The following KNG1 variants were observed in gnomAD, a reference collection of about 807,000 sequenced individuals.
The protein encoded by KNG1 is kininogen-1.
In KNG1, 23 loss-of-function variants were observed where a neutral mutation model predicts 47.8. The ratio of observed to expected loss-of-function variants is 0.48; its 90% CI spans 0.35 to 0.68. KNG1 has a LOEUF of 0.68. KNG1 is among the 30% of genes least tolerant of loss of function. The pLI is 0.01. For missense variants in KNG1, 762 were observed against 790.2 expected, an observed-to-expected ratio of 0.96 and a Z score of 0.43; for synonymous variants, 277 against 277.0, an observed-to-expected ratio of 1.00 and a Z score of 0.00.
At position 186,717,660 on chromosome 3, in the gene KNG1, G is replaced by C. The variant is rs370821408; in HGVS notation, c.118G>C (p.Ala40Pro). 5 of 1,613,144 alleles carry C rather than the reference G, an allele frequency of 3.1e-6. No homozygotes were observed. The highest frequency in any genetic ancestry group is 4.2e-6 in the Non-Finnish European group (5 of 1,179,736). The change falls in exon 1 of 10, where the codon GCT (alanine) becomes CCT (proline). Residue 40 changes from alanine to proline, a missense_variant. By Grantham distance (27) the Ala-to-Pro change is conservative (BLOSUM62 -1). Transcript: ENST00000644859. ...DKDLFKAVDAALKKYNSQNQS... is the reference protein window; with the variant it reads ...DKDLFKAVDAPLKKYNSQNQS... ...GGATTTATTTAAAGCTGTGGATGCT[G>C]CTCTGAAGAAATATAACAGTCAAAA...
At chr3:186,719,075 G>A (rs546889016) in intron 1 of KNG1, among the ~76,000 whole-genome samples, 1 of 151,994 alleles carries the variant, frequency 6.6e-6, no homozygotes, top group African/African-American at 2.4e-5. Context: ...TTTTCTGAAA[G>A]TAAAATCGAG....
intron 7 of KNG1, among the ~76,000 whole-genome samples, chr3:186,733,767 G>A (rs751002254): frequency 6.6e-6 from 1 of 152,138 alleles, no homozygotes; most frequent in Non-Finnish European, 1.5e-5. Flanking sequence ...TCAGGAGTTC[G>A]AGACCAGCCT....
chr3:186,727,565 C>T (rs1249510458), intron 5 of KNG1, among the ~76,000 whole-genome samples: 1 of 151,998 alleles, frequency 6.6e-6, no homozygotes, highest in Non-Finnish European at 1.5e-5. Flanking sequence ...TTTTTTATAA[C>T]TTTATTTTAT....
rs759902969 is a variant in KNG1 at position 186,717,676 on chromosome 3, A to G, written c.134A>G (p.Asn45Ser). The G allele has an allele frequency of 1.2e-6, 2 of 1,613,190 alleles. No individual in the cohort carries two copies. The highest frequency in any genetic ancestry group is 1.7e-6 in the Non-Finnish European group (2 of 1,179,822). Residue 45 changes from asparagine (N) to serine (S), a missense_variant, in exon 1 of 10, where the codon AAC (asparagine) becomes AGC (serine). Coordinates refer to ENST00000644859, the MANE Select transcript of KNG1 (RefSeq NM_001102416.3). ...GTGGATGCTGCTCTGAAGAAATATA[A>G]CAGTCAAAACCAAAGTAACAACCAG... ...KAVDAALKKY[N>S]SQNQSNNQFV...
At chr3:186,727,913 G>C (rs1441253913) in intron 5 of KNG1, among the ~76,000 whole-genome samples, 1 of 152,158 alleles carries the variant, frequency 6.6e-6, no homozygotes, top group Non-Finnish European at 1.5e-5. Context: ...ACTACGAATA[G>C]ATAAAATGCT....
In KNG1 at chr3:186,743,615, A is replaced by G; in HGVS notation, c.*1284A>G. On this transcript the variant is annotated 3_prime_UTR_variant, in exon 10 of 10. Coordinates refer to ENST00000644859, the MANE Select transcript of KNG1 (RefSeq NM_001102416.3). ...TAAATAAACAACCACAGATGTCAGG[A>G]AAAAGTCTTACCTTGTCAACTGGTT... The G allele has an allele frequency of 2.2e-6, 2 of 929,906 alleles. No individual in the cohort carries two copies. The highest frequency in any genetic ancestry group is 3.2e-5 in the African/African-American group (2 of 61,658). The allele number at this position is 929,906 out of a possible 1,614,324, so 57.6% of individuals were successfully genotyped here. A position where few individuals can be genotyped will look rare whatever the true frequency, so the allele number is the denominator to read the frequency against.
intron 4 of KNG1, among the ~76,000 whole-genome samples, chr3:186,726,615 T>C (rs2108624978): frequency 6.6e-6 from 1 of 152,298 alleles, no homozygotes; most frequent in South Asian, 2.1e-4. Flanking sequence ...GATAGTTGAC[T>C]GGGTCTCTTG....
chr3:186,731,405 A>G (rs1648697), intron 5 of KNG1, 140 bp from the exon 6 acceptor site: 251,237 of 651,512 alleles, frequency 0.39, 49,534 homozygotes, highest in South Asian at 0.49. Context: ...TTGCAGTAAG[A>G]CTATGTTTTG....
Position 186,742,048 on chromosome 3 carries a change from T to C in KNG1, c.1652T>C (p.Leu551Pro). The C allele has an allele frequency of 6.2e-7, 1 of 1,614,010 alleles. No homozygotes were observed. The highest frequency in any genetic ancestry group is 8.5e-7 in the Non-Finnish European group (1 of 1,179,872). ...GAAGGGCCAACACCCATCCCTTCCC[T>C]AGCCAAGCCAGGTGTAACAGTTACC... ...KTEGPTPIPSLAKPGVTVTFS... is the reference protein window; with the variant it reads ...KTEGPTPIPSPAKPGVTVTFS... Residue 551 changes from leucine (L) to proline (P), a missense_variant, in exon 10 of 10, where the codon CTA becomes CCA. By Grantham distance (98) the Leu-to-Pro change is moderately conservative. Transcript: ENST00000644859.
intron 5 of KNG1, among the ~76,000 whole-genome samples, chr3:186,730,811 G>T (rs557216239): frequency 6.9e-6 from 1 of 145,216 alleles, no homozygotes; most frequent in Non-Finnish European, 1.5e-5. Context: ...ACTTATGAAA[G>T]TATCATTTAA....
Position 186,742,242 on chromosome 3 carries a change from G to A in KNG1, c.1846G>A (p.Gly616Arg), listed in dbSNP as rs760191886. ...AGACACGACCTCCCCAAAATGTCCT[G>A]GACGCCCCTGGAAGTCAGTTAGTGA... is the stretch of plus-strand genomic sequence containing the variant. ...FPDTTSPKCP[G>R]RPWKSVSEIN... Residue 616 changes from glycine (G) to arginine (R), a missense_variant, in exon 10 of 10, where the codon GGA becomes AGA. Physicochemically the swap from Gly to Arg is moderately radical, Grantham distance 125 (BLOSUM62 -2). Coordinates refer to ENST00000644859, the MANE Select transcript of KNG1 (RefSeq NM_001102416.3). 3.1e-6 allele frequency: 5 copies of A among 1,613,980 alleles called. No individual in the cohort carries two copies. The African/African-American group carries it at 6.7e-5, about 22-fold the overall frequency.
Position 186,722,436 on chromosome 3 carries a change from G to A in KNG1, c.307-1G>A, listed in dbSNP as rs147117288. The A allele has an allele frequency of 3.1e-6, 5 of 1,610,798 alleles. No homozygotes were observed. The African/African-American group carries it at 6.7e-5, about 22-fold the overall frequency. On this transcript the variant is annotated splice_acceptor_variant, in intron 2 of 9. Transcript: ENST00000644859. LOFTEE classifies it high-confidence loss of function. ...AAATGATCTCTTTCTTTTCTTTTTA[G>A]GCCACTGGAGAATGCACGGCAACCG...
chr3:186,742,173 A>G lies in KNG1; in HGVS notation c.1777A>G (p.Ile593Val), dbSNP rs776917673. 1.2e-6 allele frequency: 2 copies of G among 1,614,204 alleles called. No homozygotes were observed. Among genetic ancestry groups the G allele is most frequent in the Non-Finnish European group, 8.5e-7 (1 of 1,180,036 alleles). The change falls in exon 10 of 10, where the codon ATA becomes GTA. Residue 593 changes from isoleucine to valine, a missense_variant. Ile to Val is a conservative substitution (Grantham distance 29). Coordinates refer to ENST00000644859, the MANE Select transcript of KNG1 (RefSeq NM_001102416.3). ...TGACGATTGGATCCCTGATATCCAG[A>G]TAGACCCAAATGGCCTTTCATTTAA... ...SDDDWIPDIQ[I>V]DPNGLSFNPI...
chr3:186,727,481 G>A (rs1720406680), intron 5 of KNG1, 137 bp downstream of exon 5: 5 of 679,356 alleles, frequency 7.4e-6, no homozygotes, highest in South Asian at 6.6e-5. Flanking sequence ...TACTTGGGAA[G>A]ACTAAAGCTC....
At position 186,717,655 on chromosome 3, in the gene KNG1, A is replaced by G. The variant is rs769952259; in HGVS notation, c.113A>G (p.Asp38Gly). 2 of 1,613,244 alleles carry G rather than the reference A, an allele frequency of 1.2e-6. No individual in the cohort carries two copies. Among genetic ancestry groups the G allele is most frequent in the Admixed American group, 3.3e-5 (2 of 60,028 alleles). ...CNDKDLFKAV[D>G]AALKKYNSQN... is the part of the protein sequence containing the mutation. ...GACAAGGATTTATTTAAAGCTGTGG[A>G]TGCTGCTCTGAAGAAATATAACAGT... Residue 38 changes from aspartate (D) to glycine (G), a missense_variant, in exon 1 of 10, where the codon GAT becomes GGT. By Grantham distance (94) the Asp-to-Gly change is moderately conservative. Transcript: ENST00000644859.
At chr3:186,725,375 G>C in intron 4 of KNG1, 115 bp downstream of exon 4, 1 of 1,025,566 alleles carries the variant, frequency 9.8e-7, no homozygotes, top group Admixed American at 1.8e-5. Context: ...CACAGGAAGC[G>C]AAGAGCTTTC....
intron 2 of KNG1, chr3:186,722,232 G>A: frequency 1.8e-6 from 1 of 563,610 alleles, no homozygotes; most frequent in Non-Finnish European, 3.2e-6. Context: ...CTTTCCTCCA[G>A]CATCTCATGA....
In KNG1 at chr3:186,742,996, T is replaced by C; in HGVS notation, c.*665T>C. On this transcript the variant is annotated 3_prime_UTR_variant, in exon 10 of 10. Coordinates refer to ENST00000644859, the MANE Select transcript of KNG1 (RefSeq NM_001102416.3). The stretch of plus-strand genomic sequence containing the variant: ...AAAGGGGGGACATAAATTAATTGAC[T>C]TTCTATTCCCAAAATGGGCTAGTTA... 1.0e-6 allele frequency: 1 copy of C among 965,752 alleles called. No individual in the cohort carries two copies. The highest frequency in any genetic ancestry group is 1.2e-6 in the Non-Finnish European group (1 of 812,012). 59.8% of individuals were successfully genotyped at this position (965,752 alleles called of 1,614,324 possible). A position where few individuals can be genotyped will look rare whatever the true frequency, so the allele number is the denominator to read the frequency against.
In KNG1 at chr3:186,737,344, T is replaced by C. The variant is rs562037575; in HGVS notation, c.931-1755T>C. Reference sequence around the variant, plus strand: ...GTTGGGCTTTATATTCATACAGACATTGATTCTATATCATAGTTTTCCCAG... The same window carrying C: ...GTTGGGCTTTATATTCATACAGACACTGATTCTATATCATAGTTTTCCCAG... On this transcript the variant is annotated intron_variant, in intron 7 of 9. Coordinates refer to ENST00000644859, the MANE Select transcript of KNG1 (RefSeq NM_001102416.3). 1.8e-3 allele frequency among the ~76,000 whole-genome samples: 277 copies of C among 152,296 alleles called. 1 individual carries two copies. Among genetic ancestry groups the C allele is most frequent in the African/African-American group, 6.2e-3 (259 of 41,572 alleles).
Sources: gnomAD v4.1 joint callset for allele counts (sites outside exome capture counted in the v4.1 genomes callset) on GRCh38, gnomAD v4.1.1 for gene constraint, MANE v1.5 for transcripts, NCBI Gene and HGNC (gene_info 2026-07-23, HGNC 2026-07-21) for gene names.